The following PTPRS variants were observed in gnomAD, a reference collection of about 807,000 sequenced individuals.
PTPRS encodes the protein receptor-type tyrosine-protein phosphatase S.
A neutral mutation model predicts 215.3 loss-of-function variants in PTPRS; 63 were observed. That is an observed-to-expected ratio of 0.29 (90% CI 0.24 to 0.36). The LOEUF (loss-of-function observed/expected upper bound fraction) is 0.36. PTPRS is among the 10% of genes least tolerant of loss of function. The pLI is 1.00. For synonymous variants in PTPRS, 1,404 were observed against 1,191.4 expected, an observed-to-expected ratio of 1.18 and a Z score of -3.68; for missense variants, 2,258 against 2,825.8, an observed-to-expected ratio of 0.80 and a Z score of 4.56.
intron 30 of PTPRS, among the ~76,000 whole-genome samples, chr19:5,213,758 C>T (rs1223369648): frequency 2.0e-5 from 3 of 152,208 alleles, no homozygotes; most frequent in African/African-American, 7.2e-5. Flanking sequence ...GTGAGATGAC[C>T]TGGCTGGGTG....
Position 5,244,402 on chromosome 19 carries a change from G to A in PTPRS, c.1069C>T (p.Pro357Ser), listed in dbSNP as rs773681008. ...SITITWDSGN[P>S]DPVSYYVIEY... is the part of the protein sequence containing the mutation. Reference sequence around the variant, plus strand: ...ATGACGTAATAGGACACAGGATCTGGGTTGCCCGAGTCCCACGTGATGGTG... The same window carrying A: ...ATGACGTAATAGGACACAGGATCTGAGTTGCCCGAGTCCCACGTGATGGTG... The change falls in exon 11 of 38, where the codon CCA becomes TCA. Residue 357 changes from proline (P) to serine (S), a missense_variant. By Grantham distance (74) the Pro-to-Ser change is moderately conservative. Coordinates refer to ENST00000262963, the MANE Select transcript of PTPRS (RefSeq NM_002850.4). The surrounding 1 kb of genome is among the most constrained non-coding windows in gnomAD (Gnocchi z 7.2). 3 of 1,614,208 alleles carry A rather than the reference G, an allele frequency of 1.9e-6. No individual in the cohort carries two copies. Among genetic ancestry groups the A allele is most frequent in the Non-Finnish European group, 1.7e-6 (2 of 1,180,048 alleles).
chr19:5,238,847 T>G (rs2043718974), intron 13 of PTPRS, 72 bp downstream of exon 13: 2 of 1,469,988 alleles, frequency 1.4e-6, no homozygotes, highest in Non-Finnish European at 1.8e-6. Flanking sequence ...CCTGGGTCCG[T>G]CTGCCGAGGG....
In PTPRS at chr19:5,220,098, C is replaced by T; in HGVS notation, c.3606G>A (p.Leu1202=). ...QRRSLRHSRQ[L]EVPRPYIAAR... is the part of the protein sequence containing the mutation. ...CTGCAATATAGGGCCGGGGCACCTC[C>T]AGCTGACGCGAGTGCCGCAGGCTGC... Residue 1202 remains leucine (L), a synonymous_variant, in exon 22 of 38, where the codon CTG becomes CTA. Coordinates refer to ENST00000262963, the MANE Select transcript of PTPRS (RefSeq NM_002850.4). 6.2e-7 allele frequency: 1 copy of T among 1,613,708 alleles called. No individual in the cohort carries two copies. Among genetic ancestry groups the T allele is most frequent in the Non-Finnish European group, 8.5e-7 (1 of 1,179,990 alleles).
intron 1 of PTPRS, among the ~76,000 whole-genome samples, chr19:5,323,507 T>C (rs2050086572): frequency 1.3e-5 from 2 of 152,196 alleles, no homozygotes; most frequent in African/African-American, 4.8e-5. Flanking sequence ...AAAAGTGACC[T>C]GAGACGTGAA....
At chr19:5,230,743 G>A (rs1206581064) in intron 14 of PTPRS, among the ~76,000 whole-genome samples, 1 of 152,156 alleles carries the variant, frequency 6.6e-6, no homozygotes, top group Non-Finnish European at 1.5e-5. Context: ...TTACAGGCAT[G>A]AGCCACTGTG....
rs936483423 is a variant in PTPRS, at chr19:5,217,300, T to A, written c.4049-533A>T. On this transcript the variant is annotated intron_variant, in intron 25 of 37. Coordinates refer to ENST00000262963, the MANE Select transcript of PTPRS (RefSeq NM_002850.4). ...GCACATTAGCGGTGAATTGTGAGAC[T>A]CTGCATGATCCCTTCAGGAGACTGC... 6.6e-5 allele frequency among the ~76,000 whole-genome samples: 10 copies of A among 152,238 alleles called. No individual in the cohort carries two copies. The East Asian group carries it at 1.9e-3, about 29-fold the overall frequency.
At chr19:5,285,140 G>T (rs1168839710) in intron 2 of PTPRS, among the ~76,000 whole-genome samples, 1 of 152,208 alleles carries the variant, frequency 6.6e-6, no homozygotes, top group Non-Finnish European at 1.5e-5. Flanking sequence ...AAGAATGCTG[G>T]ATGTGGATAA....
At chr19:5,239,100 G>C (rs1202066588) in intron 12 of PTPRS, 37 bp from the exon 13 acceptor site, 2 of 1,507,814 alleles carry the variant, frequency 1.3e-6, no homozygotes, top group Non-Finnish European at 1.8e-6. Context: ...GAGGGATGGG[G>C]GAGAGAGAGA....
chr19:5,214,800 C>G (rs1212413683), intron 28 of PTPRS, 64 bp from the exon 29 acceptor site: 9 of 1,493,372 alleles, frequency 6.0e-6, no homozygotes, highest in Non-Finnish European at 7.2e-6. Context: ...CTCTGTGTGG[C>G]CAACCACTTC....
intron 9 of PTPRS, among the ~76,000 whole-genome samples, chr19:5,255,603 A>AG (rs1195385643): frequency 6.6e-6 from 1 of 152,104 alleles, no homozygotes; most frequent in Admixed American, 6.5e-5. Flanking sequence ...GAAAAAAAAA[A>AG]GAAAAAGGAA....
chr19:5,231,159 C>T (rs1045613864), intron 14 of PTPRS, 151 bp downstream of exon 14: 6 of 839,114 alleles, frequency 7.2e-6, no homozygotes, highest in African/African-American at 1.7e-5. Flanking sequence ...CAAGGAGCCC[C>T]GGATTTCTCG....
Position 5,220,017 on chromosome 19 carries a change from G to A in PTPRS, c.3687C>T (p.Gly1229=), listed in dbSNP as rs373392856. 8.8e-5 allele frequency: 142 copies of A among 1,614,052 alleles called. No homozygotes were observed. In the African/African-American group the frequency reaches 8.9e-4, roughly 10 times the overall value. The stretch of plus-strand genomic sequence containing the variant: ...GCTCCAGGCCCCGGTTATCGAAGCC[G>A]CCATACTGCTTCTGGTCGCCGGGAT... The part of the protein sequence containing the change: ...TFHPGDQKQY[G]GFDNRGLEPG... The change falls in exon 22 of 38, where the codon GGC becomes GGT. Residue 1229 remains glycine, a synonymous_variant. Coordinates refer to ENST00000262963, the MANE Select transcript of PTPRS (RefSeq NM_002850.4).
chr19:5,205,609 C>T lies in PTPRS; in HGVS notation c.*1165G>A, dbSNP rs549836196. On this transcript the variant is annotated 3_prime_UTR_variant, in exon 38 of 38. Coordinates refer to ENST00000262963, the MANE Select transcript of PTPRS (RefSeq NM_002850.4). Reference sequence around the variant, plus strand: ...TGGAATAAACAGTGTTGAAAGTAACCGCAGACCTGCCCTTGTACAAAGAGG... The same window carrying T: ...TGGAATAAACAGTGTTGAAAGTAACTGCAGACCTGCCCTTGTACAAAGAGG... 3.1e-4 allele frequency among the ~76,000 whole-genome samples: 47 copies of T among 152,302 alleles called. 2 individuals carry two copies. Among genetic ancestry groups the T allele is most frequent in the South Asian group, 2.5e-3 (12 of 4,826 alleles).
chr19:5,206,565 G>A lies in PTPRS; in HGVS notation c.*209C>T. On this transcript the variant is annotated 3_prime_UTR_variant, in exon 38 of 38. Coordinates refer to ENST00000262963, the MANE Select transcript of PTPRS (RefSeq NM_002850.4). ...GGAATGTGCCAAGTATTTGAAGGCG[G>A]CGGCCGGTGCCAGGGAGGTCGCTGG... 3.9e-6 allele frequency: 2 copies of A among 510,686 alleles called. No individual in the cohort carries two copies. The highest frequency in any genetic ancestry group is 3.5e-6 in the Non-Finnish European group (1 of 285,674). 31.6% of individuals were successfully genotyped at this position (510,686 alleles called of 1,614,324 possible). A position where few individuals can be genotyped will look rare whatever the true frequency, so the allele number is the denominator to read the frequency against.
chr19:5,285,457 C>T (rs1346760698), intron 2 of PTPRS, among the ~76,000 whole-genome samples: 3 of 152,356 alleles, frequency 2.0e-5, no homozygotes, highest in East Asian at 3.9e-4. Context: ...TTCCCGGGTG[C>T]TGTCATCCTG....
intron 1 of PTPRS, among the ~76,000 whole-genome samples, chr19:5,308,255 C>G (rs985783023): frequency 1.3e-5 from 2 of 152,236 alleles, no homozygotes; most frequent in Non-Finnish European, 2.9e-5. Context: ...TACCACACTT[C>G]AAACAGTTTT....
intron 21 of PTPRS, 44 bp from the exon 22 acceptor site, chr19:5,220,198 C>G (rs781687303): frequency 6.2e-7 from 1 of 1,608,570 alleles, no homozygotes; most frequent in Admixed American, 1.7e-5. Context: ...CAGCTGGGAG[C>G]AACAGAGCAC....
Position 5,257,621 on chromosome 19 carries a change from C to A in PTPRS, c.706+396G>T, listed in dbSNP as rs1180848263. Among the ~76,000 whole-genome samples the A allele has an allele frequency of 6.6e-6, 1 of 151,976 alleles. No homozygotes were observed. The highest frequency in any genetic ancestry group is 1.5e-5 in the Non-Finnish European group (1 of 67,958). ...AGCCAGCACACAGCACGGGAAGGCA[C>A]GACACACCACAGAAGCCAACTCGGG... On this transcript the variant is annotated intron_variant, in intron 8 of 37. Coordinates refer to ENST00000262963, the MANE Select transcript of PTPRS (RefSeq NM_002850.4). The surrounding 1 kb of genome is among the most constrained non-coding windows in gnomAD (Gnocchi z 4.4).
rs2044262130 is a variant in PTPRS at position 5,243,932 on chromosome 19, C to T, written c.1539G>A (p.Ser513=). The T allele has an allele frequency of 4.5e-6, 7 of 1,564,488 alleles. No individual in the cohort carries two copies. Among genetic ancestry groups the T allele is most frequent in the South Asian group, 1.2e-5 (1 of 86,150 alleles). The change falls in exon 11 of 38, where the codon TCG becomes TCA. Residue 513 remains serine, a synonymous_variant. Coordinates refer to ENST00000262963, the MANE Select transcript of PTPRS (RefSeq NM_002850.4). ...AFTSVGDGPL[S]DPIQVKTQQG... Reference sequence around the variant, plus strand: ...GCTGCGTCTTGACCTGGATGGGGTCCGAGAGGGGCCCGTCGCCGACGGAGG... The same window carrying T: ...GCTGCGTCTTGACCTGGATGGGGTCTGAGAGGGGCCCGTCGCCGACGGAGG...
Sources: gnomAD v4.1 joint callset for allele counts (sites outside exome capture counted in the v4.1 genomes callset) on GRCh38, gnomAD v4.1.1 for gene constraint, Gnocchi (gnomAD v3.1) non-coding constraint, MANE v1.5 for transcripts, NCBI Gene and HGNC (gene_info 2026-07-23, HGNC 2026-07-21) for gene names.